Variants in RHEX observed in about 807,000 individuals in gnomAD.
RHEX encodes regulator of hemoglobinization and erythroid cell expansion protein.
In RHEX, 18 loss-of-function variants were observed where a neutral mutation model predicts 20.1. The ratio of observed to expected loss-of-function variants is 0.90; its 90% CI spans 0.62 to 1.33. The LOEUF (loss-of-function observed/expected upper bound fraction) is 1.33. Ranked by LOEUF, RHEX falls within the 40% of genes most tolerant of loss-of-function variation. RHEX has a pLI of 0.00. For missense variants in RHEX, 192 were observed against 214.3 expected, an observed-to-expected ratio of 0.90 and a Z score of 0.65; for synonymous variants, 87 against 77.1, an observed-to-expected ratio of 1.13 and a Z score of -0.67.
intron 1 of RHEX, among the ~76,000 whole-genome samples, chr1:206,095,328 G>A (rs1663042276): frequency 6.6e-6 from 1 of 152,038 alleles, no homozygotes. Flanking sequence ...CCTGGTTGGA[G>A]CCTTTTAGGG....
Position 206,067,582 on chromosome 1 carries a change from C to A in RHEX, c.-97+14317C>A, listed in dbSNP as rs1455247609. On this transcript the variant is annotated intron_variant, in intron 1 of 5. Transcript: ENST00000331555. This position sits in a 1 kb window ranked among gnomAD's most constrained non-coding sequence, Gnocchi z 4.6. ...TAAGTGAGCAACAACTTGGAGGGGG[C>A]CCCAGGTGGGGAGAGCAATTTTTCT... Among the ~76,000 whole-genome samples the A allele has an allele frequency of 6.6e-6, 1 of 152,176 alleles. No individual in the cohort carries two copies. Among genetic ancestry groups the A allele is most frequent in the African/African-American group, 2.4e-5 (1 of 41,426 alleles).
intron 1 of RHEX, among the ~76,000 whole-genome samples, chr1:206,094,169 G>GGTGTGTGTGT (rs66885504): frequency 0.013 from 1,961 of 148,670 alleles, 44 homozygotes; most frequent in Admixed American, 0.068. Context: ...CTGGTTATTT[G>GGTGTGTGTGT]GTGTGTGTGT....
chr1:206,057,685 C>A (rs1662220079), intron 1 of RHEX, among the ~76,000 whole-genome samples: 1 of 152,240 alleles, frequency 6.6e-6, no homozygotes. Flanking sequence ...CTTCTTAGTG[C>A]CCATAAAAAC....
chr1:206,098,323 G>T (rs1296995576), intron 3 of RHEX, 142 bp downstream of exon 3: 2 of 623,852 alleles, frequency 3.2e-6, no homozygotes, highest in Non-Finnish European at 5.9e-6. Flanking sequence ...CCTTCCCACC[G>T]CTCCCCCTCC....
At chr1:206,071,324 C>T (rs542007948) in intron 1 of RHEX, among the ~76,000 whole-genome samples, 33 of 152,202 alleles carry the variant, frequency 2.2e-4, no homozygotes, top group African/African-American at 7.2e-4. Flanking sequence ...ATTCTAGCCA[C>T]GCTGGCAGCA....
At chr1:206,057,823 C>T (rs61602556) in intron 1 of RHEX, among the ~76,000 whole-genome samples, 10,418 of 152,110 alleles carry the variant, frequency 0.068, 1,157 homozygotes, top group African/African-American at 0.23. Flanking sequence ...CACTTGGTCA[C>T]AAGATGTCTC....
intron 1 of RHEX, among the ~76,000 whole-genome samples, chr1:206,072,313 C>T (rs1443120370): frequency 6.6e-6 from 1 of 152,158 alleles, no homozygotes; most frequent in Non-Finnish European, 1.5e-5. Context: ...CGGTTGTTCA[C>T]GCCTATAATC....
At chr1:206,066,211 T>C (rs1370621039) in intron 1 of RHEX, among the ~76,000 whole-genome samples, 2 of 152,264 alleles carry the variant, frequency 1.3e-5, no homozygotes, top group African/African-American at 4.8e-5. Context: ...GTTGCTCTTA[T>C]CTGCGAATCT....
intron 1 of RHEX, among the ~76,000 whole-genome samples, chr1:206,085,417 T>C (rs1366104352): frequency 6.6e-6 from 1 of 152,210 alleles, no homozygotes; most frequent in Admixed American, 6.5e-5. Context: ...AACAGAATAA[T>C]TTGACCCCTT....
intron 3 of RHEX, 108 bp downstream of exon 3, chr1:206,098,289 A>T: frequency 1.3e-6 from 1 of 766,318 alleles, no homozygotes; most frequent in Non-Finnish European, 2.2e-6. Context: ...TCAAAAACCT[A>T]CCAGAGGACC....
At chr1:206,056,265 C>T (rs1662193097) in intron 1 of RHEX, 1 of 152,528 alleles carries the variant, frequency 6.6e-6, no homozygotes, top group South Asian at 2.1e-4. Flanking sequence ...CTTCACCAAC[C>T]CCTGCAAAGT....
rs564863991 is a variant in RHEX at position 206,089,840 on chromosome 1, T to C, written c.-96-7893T>C. 3.3e-5 allele frequency among the ~76,000 whole-genome samples: 5 copies of C among 152,258 alleles called. No homozygotes were observed. In the East Asian group the frequency reaches 9.6e-4, roughly 29 times the overall value. Reference sequence around the variant, plus strand: ...TCTTTGTGATTTCTTCCATTGCATATAAACTGAGAAAGTTTTCTCTCATCT... The same window carrying C: ...TCTTTGTGATTTCTTCCATTGCATACAAACTGAGAAAGTTTTCTCTCATCT... On this transcript the variant is annotated intron_variant, in intron 1 of 5. Transcript: ENST00000331555.
intron 5 of RHEX, 78 bp from the exon 6 acceptor site, chr1:206,101,673 TA>T: frequency 9.0e-7 from 1 of 1,116,560 alleles, no homozygotes; most frequent in Non-Finnish European, 1.3e-6. Context: ...TCTTGTTGAG[TA>T]AGAGTTCAGT....
chr1:206,072,316 C>T (rs575035582), intron 1 of RHEX, among the ~76,000 whole-genome samples: 1 of 152,304 alleles, frequency 6.6e-6, no homozygotes, highest in East Asian at 1.9e-4. Flanking sequence ...TTGTTCACGC[C>T]TATAATCCCA....
intron 5 of RHEX, 83 bp from the exon 6 acceptor site, chr1:206,101,669 T>C: frequency 9.3e-7 from 1 of 1,076,106 alleles, no homozygotes; most frequent in East Asian, 2.6e-5. Context: ...CGAATCTTGT[T>C]GAGTAAGAGT....
intron 1 of RHEX, among the ~76,000 whole-genome samples, chr1:206,079,681 C>T (rs781931075): frequency 3.3e-5 from 5 of 152,080 alleles, no homozygotes; most frequent in Non-Finnish European, 7.4e-5. Context: ...TCAGCCTCCT[C>T]AGTAGCTGGG....
intron 1 of RHEX, among the ~76,000 whole-genome samples, chr1:206,093,955 A>G (rs1431587927): frequency 6.6e-6 from 1 of 152,124 alleles, no homozygotes; most frequent in East Asian, 1.9e-4. Flanking sequence ...CTGAGATTAC[A>G]AGCATGAGCC....
At chr1:206,071,546 C>CAAAAAAAAAAAAA (rs35408708) in intron 1 of RHEX, among the ~76,000 whole-genome samples, 1 of 95,896 alleles carries the variant, frequency 1.0e-5, no homozygotes. Context: ...GTTGAAAATG[C>CAAAAAAAAAAAAA]AAAAAAAAAA....
intron 1 of RHEX, among the ~76,000 whole-genome samples, chr1:206,064,248 C>A (rs1662369921): frequency 6.8e-6 from 1 of 146,558 alleles, no homozygotes; most frequent in Non-Finnish European, 1.5e-5. Context: ...GCCACCCCGT[C>A]CGGGAGGGAG....
Sources: allele counts gnomAD v4.1 joint callset (sites outside exome capture counted in the v4.1 genomes callset), GRCh38; gene constraint gnomAD v4.1.1; non-coding constraint Gnocchi (gnomAD v3.1); transcripts MANE v1.5; gene names NCBI Gene and HGNC (gene_info 2026-07-23, HGNC 2026-07-21).